Variants in AHRR observed in about 807,000 individuals in gnomAD.
AHRR encodes the protein ahR repressor.
A neutral mutation model predicts 44.0 loss-of-function variants in AHRR; 28 were observed. The ratio of observed to expected loss-of-function variants is 0.64; its 90% CI spans 0.47 to 0.87. The LOEUF (loss-of-function observed/expected upper bound fraction) is 0.87, where lower values mean the gene tolerates loss of function less well. AHRR is among the 40% of genes least tolerant of loss of function. The pLI is 0.00. For synonymous variants in AHRR, 434 were observed against 407.0 expected (o/e 1.07, Z -0.80); for missense variants, 990 against 953.9 (o/e 1.04, Z -0.50).
rs239344 is a variant in AHRR, at chr5:367,661, C to A, written c.245-8949C>A. ...CCTGCTGGGTCTCTTGTCTTCACCC[C>A]TCAGGAGGCCTTCCCCAGCCTCACT... is the stretch of plus-strand genomic sequence containing the variant. On this transcript the variant is annotated intron_variant, in intron 3 of 10. Transcript: ENST00000684583. 5.0e-6 allele frequency: 3 copies of A among 596,348 alleles called. No individual in the cohort carries two copies. The African/African-American group carries it at 5.6e-5, about 11-fold the overall frequency. The allele number at this position is 596,348 out of a possible 1,614,324, so 36.9% of individuals were successfully genotyped here. A position where few individuals can be genotyped will look rare whatever the true frequency, so the allele number is the denominator to read the frequency against.
At chr5:369,020 C>T (rs1743471319) in intron 3 of AHRR, among the ~76,000 whole-genome samples, 1 of 152,188 alleles carries the variant, frequency 6.6e-6, no homozygotes, top group Non-Finnish European at 1.5e-5. Context: ...TATTTATACT[C>T]CTGATGCTTT....
At chr5:325,624 G>A (rs897902151) in intron 1 of AHRR, among the ~76,000 whole-genome samples, 10 of 152,028 alleles carry the variant, frequency 6.6e-5, no homozygotes, top group Non-Finnish European at 1.5e-4. Flanking sequence ...CGAAGCATCC[G>A]TCCCACCCTC....
chr5:414,145 C>T (rs780337508), intron 5 of AHRR, among the ~76,000 whole-genome samples: 85 of 152,116 alleles, frequency 5.6e-4, no homozygotes, highest in Non-Finnish European at 9.7e-4. Flanking sequence ...CACCCGTAGT[C>T]CCAGCTACTA....
At chr5:433,078 C>T in intron 10 of AHRR, 131 bp downstream of exon 10, 1 of 1,130,328 alleles carries the variant, frequency 8.8e-7, no homozygotes, top group Non-Finnish European at 1.2e-6. Context: ...ACCACACGAG[C>T]CACAGCTAAC....
At chr5:369,113 C>A (rs978489526) in intron 3 of AHRR, among the ~76,000 whole-genome samples, 2 of 152,178 alleles carry the variant, frequency 1.3e-5, no homozygotes, top group Admixed American at 6.5e-5. Flanking sequence ...GTTTTGGAAG[C>A]ACACTCGCCC....
At chr5:332,929 C>CT (rs57937804) in intron 1 of AHRR, among the ~76,000 whole-genome samples, 1,648 of 132,012 alleles carry the variant, frequency 0.012, 15 homozygotes, top group African/African-American at 0.021. Context: ...TGACCTTTGT[C>CT]TTTTTTTTTT....
intron 3 of AHRR, among the ~76,000 whole-genome samples, chr5:371,492 C>T (rs1355753917): frequency 6.6e-6 from 1 of 152,210 alleles, no homozygotes; most frequent in East Asian, 1.9e-4. Context: ...TTGCAGGTGA[C>T]AGGAATCCTG....
chr5:397,684 G>A (rs1275707095), intron 4 of AHRR, among the ~76,000 whole-genome samples: 1 of 131,286 alleles, frequency 7.6e-6, no homozygotes, highest in Non-Finnish European at 1.6e-5. Flanking sequence ...CATCCATGTA[G>A]CCCCTGACCA....
rs963198421 is a variant in AHRR at position 435,552 on chromosome 5, T to A, written c.*718T>A. 3.9e-5 allele frequency: 6 copies of A among 152,402 alleles called. No homozygotes were observed. Among genetic ancestry groups the A allele is most frequent in the Admixed American group, 3.9e-4 (6 of 15,284 alleles). 9.4% of individuals were successfully genotyped at this position (152,402 alleles called of 1,614,324 possible). ...GTCTGAGGCCAGACCTGGACTGGAA[T>A]TGACAGCATAACCCCTGTTCCTTCT... On this transcript the variant is annotated 3_prime_UTR_variant, in exon 11 of 11. Transcript: ENST00000684583.
chr5:400,748 A>C (rs1428021924), intron 4 of AHRR, among the ~76,000 whole-genome samples: 2 of 152,254 alleles, frequency 1.3e-5, no homozygotes, highest in Non-Finnish European at 2.9e-5. Context: ...CTTTAAAAAA[A>C]AATTCTGCCT....
At position 434,032 on chromosome 5, in the gene AHRR, G is replaced by T. The variant is rs764960811; in HGVS notation, c.1292G>T (p.Arg431Leu). The T allele has an allele frequency of 6.2e-7, 1 of 1,606,024 alleles. No individual in the cohort carries two copies. The highest frequency in any genetic ancestry group is 1.7e-5 in the Admixed American group (1 of 58,922). ...CCGCCCTCCCTGCGCCCCATGCCCC[G>T]CGGCTCCTGCCTGCCCTGCCCGTGT... ...NDPPSLRPMP[R>L]GSCLPCPCVQ... is the part of the protein sequence containing the mutation. The change falls in exon 11 of 11, where the codon CGC (arginine) becomes CTC (leucine). Residue 431 changes from arginine (R) to leucine (L), a missense_variant. Transcript: ENST00000684583.
chr5:431,172 G>T lies in AHRR; in HGVS notation c.909-1291G>T, dbSNP rs925626013. The stretch of plus-strand genomic sequence containing the variant: ...GCAGGGCAGGCCTGGCCCTGTGTGC[G>T]CACAGCCCTGTCCCGGCCCTGGGGT... On this transcript the variant is annotated intron_variant, in intron 8 of 10. Coordinates refer to ENST00000684583, the MANE Select transcript of AHRR (RefSeq NM_001377236.1). 2.0e-5 allele frequency among the ~76,000 whole-genome samples: 3 copies of T among 152,192 alleles called. No individual in the cohort carries two copies. In the East Asian group the frequency reaches 5.8e-4, roughly 29 times the overall value.
rs931221376 is a variant in AHRR, at chr5:395,348, C to T, written c.352-17996C>T. Among the ~76,000 whole-genome samples the T allele has an allele frequency of 9.9e-5, 15 of 152,118 alleles. No homozygotes were observed. Among genetic ancestry groups the T allele is most frequent in the African/African-American group, 3.1e-4 (13 of 41,412 alleles). Reference sequence around the variant, plus strand: ...GCTGAACGCCAGGCTGAGCAGGGTCCGAAAATTAGGGGAATAAAAGTCCCG... The same window carrying T: ...GCTGAACGCCAGGCTGAGCAGGGTCTGAAAATTAGGGGAATAAAAGTCCCG... On this transcript the variant is annotated intron_variant, in intron 4 of 10. Coordinates refer to ENST00000684583, the MANE Select transcript of AHRR (RefSeq NM_001377236.1). The surrounding 1 kb of genome is among the most constrained non-coding windows in gnomAD (Gnocchi z 5.3).
intron 3 of AHRR, among the ~76,000 whole-genome samples, chr5:360,708 T>G (rs934094153): frequency 1.3e-5 from 2 of 152,100 alleles, no homozygotes; most frequent in African/African-American, 4.8e-5. Flanking sequence ...GCGAGGAAAG[T>G]GATTCTTGTT....
In AHRR at chr5:432,902, T is replaced by A. The variant is rs1736801753; in HGVS notation, c.1067T>A (p.Leu356His). The A allele has an allele frequency of 1.2e-6, 2 of 1,613,238 alleles. No homozygotes were observed. Among genetic ancestry groups the A allele is most frequent in the Admixed American group, 1.7e-5 (1 of 59,966 alleles). ...QVPARAPCLC[L>H]RGGPDLVLDP... ...CCCGCCAGGGCCCCATGCCTGTGCC[T>A]CCGGGGTGGCCCTGACCTTGTCCTT... is the stretch of plus-strand genomic sequence containing the variant. The change falls in exon 10 of 11, where the codon CTC (leucine) becomes CAC (histidine). Residue 356 changes from leucine to histidine, a missense_variant. Leu to His is a moderately conservative substitution (Grantham distance 99). Coordinates refer to ENST00000684583, the MANE Select transcript of AHRR (RefSeq NM_001377236.1).
intron 5 of AHRR, among the ~76,000 whole-genome samples, chr5:415,304 CGGG>C (rs1560915619): frequency 2.1e-5 from 3 of 144,412 alleles, no homozygotes; most frequent in Non-Finnish European, 3.1e-5. Flanking sequence ...TCTGCCTGGT[CGGG>C]TGGGAGGCCT....
chr5:324,365 A>C (rs1741627057), intron 1 of AHRR, among the ~76,000 whole-genome samples: 1 of 151,148 alleles, frequency 6.6e-6, no homozygotes, highest in Non-Finnish European at 1.5e-5. Flanking sequence ...CACCACGCCC[A>C]GCCGCCTAGC....
At chr5:351,364 G>C (rs1742852696) in intron 2 of AHRR, among the ~76,000 whole-genome samples, 1 of 152,230 alleles carries the variant, frequency 6.6e-6, no homozygotes, top group Admixed American at 6.5e-5. Context: ...ACGTCCATCA[G>C]CAGATAGACG....
chr5:345,342 G>C (rs1204732697), intron 2 of AHRR, among the ~76,000 whole-genome samples: 1 of 95,312 alleles, frequency 1.0e-5, no homozygotes, highest in Non-Finnish European at 2.1e-5. Flanking sequence ...GGGGATGTGT[G>C]TGTGTGTGTG....
Sources: allele counts gnomAD v4.1 joint callset (sites outside exome capture counted in the v4.1 genomes callset), GRCh38; gene constraint gnomAD v4.1.1; non-coding constraint Gnocchi (gnomAD v3.1); transcripts MANE v1.5; gene names NCBI Gene and HGNC (gene_info 2026-07-23, HGNC 2026-07-21).